The following LRRN1 variants were observed in gnomAD, a reference collection of about 807,000 sequenced individuals.
The protein encoded by LRRN1 is leucine-rich repeat neuronal protein 1.
Under a neutral mutation model 45.8 loss-of-function variants are expected in LRRN1, and 14 were observed. The ratio of observed to expected loss-of-function variants is 0.31; its 90% CI spans 0.20 to 0.48. The LOEUF is 0.48. Among genes scored for constraint, LRRN1 ranks in the 20% least tolerant of loss-of-function variants. The pLI is 0.99. For missense variants in LRRN1, 789 were observed against 874.2 expected, an observed-to-expected ratio of 0.90 and a Z score of 1.23; for synonymous variants, 359 against 330.1, an observed-to-expected ratio of 1.09 and a Z score of -0.95.
chr3:3,837,675 T>A (rs750309879), intron 1 of LRRN1, among the ~76,000 whole-genome samples: 14 of 152,008 alleles, frequency 9.2e-5, no homozygotes, highest in South Asian at 2.1e-4. Flanking sequence ...ATCAGAGCAG[T>A]CTAGTTTGAG....
At chr3:3,831,501 T>C (rs1444746968) in intron 1 of LRRN1, among the ~76,000 whole-genome samples, 4 of 152,082 alleles carry the variant, frequency 2.6e-5, no homozygotes, top group Non-Finnish European at 5.9e-5. Context: ...GAAGCAAAAA[T>C]GATTAAGGTC....
intron 1 of LRRN1, among the ~76,000 whole-genome samples, chr3:3,828,807 GGCACAAAC>G (rs1693293051): frequency 6.6e-6 from 1 of 152,070 alleles, no homozygotes; most frequent in South Asian, 2.1e-4. Context: ...GGTATATACA[GGCACAAAC>G]GTGTTTTTAA....
At chr3:3,830,299 C>G (rs1395022387) in intron 1 of LRRN1, among the ~76,000 whole-genome samples, 1 of 152,174 alleles carries the variant, frequency 6.6e-6, no homozygotes, top group African/African-American at 2.4e-5. Context: ...CACCAATTTT[C>G]CAATCATGTT....
chr3:3,829,512 G>GGATGCT (rs1693318262), intron 1 of LRRN1, among the ~76,000 whole-genome samples: 1 of 152,114 alleles, frequency 6.6e-6, no homozygotes, highest in Admixed American at 6.5e-5. Flanking sequence ...ACCATGTATT[G>GGATGCT]GATGCTGATT....
At chr3:3,831,464 C>T (rs976355801) in intron 1 of LRRN1, among the ~76,000 whole-genome samples, 3 of 152,204 alleles carry the variant, frequency 2.0e-5, no homozygotes, top group South Asian at 2.1e-4. Context: ...CTGTCATCAA[C>T]GTAATGGACC....
chr3:3,839,824 GA>G (rs1693608312), intron 1 of LRRN1, among the ~76,000 whole-genome samples: 1 of 152,000 alleles, frequency 6.6e-6, no homozygotes, highest in Non-Finnish European at 1.5e-5. Flanking sequence ...TTTGTGTGTT[GA>G]TTTTGTATCC....
rs568089666 is a variant in LRRN1, at chr3:3,804,409, G to T, written c.-279+4490G>T. On this transcript the variant is annotated intron_variant, in intron 1 of 1. Transcript: ENST00000319331. ...GGAACCATTGTACCTAATGAACTGA[G>T]GATCATTCCTGAGATGCGGAGAATC... Among the ~76,000 whole-genome samples the T allele has an allele frequency of 1.3e-4, 20 of 152,258 alleles. No individual in the cohort carries two copies. The South Asian group carries it at 3.9e-3, about 30-fold the overall frequency.
At position 3,817,367 on chromosome 3, in the gene LRRN1, T is replaced by C. The variant is rs4685685; in HGVS notation, c.-279+17448T>C. Among the ~76,000 whole-genome samples, 1,520 of 152,338 alleles carry C rather than the reference T, an allele frequency of 1.0e-2. 11 individuals carry two copies. Among genetic ancestry groups the C allele is most frequent in the East Asian group, 0.029 (150 of 5,186 alleles). ...AGTTCAGGGGCAGATGGCGTTACTTTGCTTCTTTAAAAAAAGATGGCATTC... is the reference window on the plus strand; with the variant it reads ...AGTTCAGGGGCAGATGGCGTTACTTCGCTTCTTTAAAAAAAGATGGCATTC... On this transcript the variant is annotated intron_variant, in intron 1 of 1. Transcript: ENST00000319331.
chr3:3,810,921 G>A (rs533650292), intron 1 of LRRN1, among the ~76,000 whole-genome samples: 1 of 152,262 alleles, frequency 6.6e-6, no homozygotes, highest in South Asian at 2.1e-4. Context: ...TTGTGAAATG[G>A]AAATAGTAAT....
chr3:3,807,014 G>C (rs2106450674), intron 1 of LRRN1, among the ~76,000 whole-genome samples: 1 of 152,284 alleles, frequency 6.6e-6, no homozygotes, highest in East Asian at 1.9e-4. Flanking sequence ...CAGCTTCCTA[G>C]ACCGTGGAGT....
intron 1 of LRRN1, among the ~76,000 whole-genome samples, chr3:3,827,806 G>C (rs1693257263): frequency 6.6e-6 from 1 of 152,114 alleles, no homozygotes; most frequent in Non-Finnish European, 1.5e-5. Context: ...ATAATTTCCA[G>C]GTTGGAGGTT....
chr3:3,830,828 T>C (rs889275767), intron 1 of LRRN1, among the ~76,000 whole-genome samples: 8 of 152,302 alleles, frequency 5.3e-5, no homozygotes, highest in African/African-American at 1.9e-4. Flanking sequence ...TCAGGTTGCA[T>C]GGTAGCTTGG....
chr3:3,846,582 C>A lies in LRRN1; in HGVS notation c.1941C>A (p.Ser647=), dbSNP rs1693784051. The A allele has an allele frequency of 1.2e-6, 2 of 1,614,012 alleles. No individual in the cohort carries two copies. The highest frequency in any genetic ancestry group is 2.2e-5 in the South Asian group (2 of 91,080). Residue 647 remains serine, a synonymous_variant, in exon 2 of 2, where the codon TCC becomes TCA. Coordinates refer to ENST00000319331, the MANE Select transcript of LRRN1 (RefSeq NM_020873.7). The surrounding 1 kb of genome is among the most constrained non-coding windows in gnomAD (Gnocchi z 5.7). ...GSMFAVISLA[S]IAVYFAKRFK... ...TGTTTGCCGTCATTAGCCTTGCGTC[C>A]ATTGCTGTGTACTTTGCCAAAAGAT...
At chr3:3,811,376 G>A (rs571111555) in intron 1 of LRRN1, among the ~76,000 whole-genome samples, 70 of 152,180 alleles carry the variant, frequency 4.6e-4, no homozygotes, top group Admixed American at 7.8e-4. Flanking sequence ...AAGCAGCTTC[G>A]TAAGGGAAAA....
At chr3:3,832,830 A>G (rs1444857147) in intron 1 of LRRN1, among the ~76,000 whole-genome samples, 1 of 152,214 alleles carries the variant, frequency 6.6e-6, no homozygotes, top group African/African-American at 2.4e-5. Flanking sequence ...GTGTAATTTA[A>G]GTAGGAATGC....
intron 1 of LRRN1, among the ~76,000 whole-genome samples, chr3:3,812,527 C>A (rs1692897418): frequency 2.0e-5 from 3 of 152,094 alleles, no homozygotes; most frequent in South Asian, 2.1e-4. Context: ...CTGCCTACTT[C>A]CAAAGTGCAC....
chr3:3,814,659 A>G (rs1692952256), intron 1 of LRRN1, among the ~76,000 whole-genome samples: 1 of 152,172 alleles, frequency 6.6e-6, no homozygotes, highest in Non-Finnish European at 1.5e-5. Flanking sequence ...CTCTTATAAA[A>G]GAGATTGAAG....
At chr3:3,825,909 A>T (rs1452313477) in intron 1 of LRRN1, among the ~76,000 whole-genome samples, 1 of 152,202 alleles carries the variant, frequency 6.6e-6, no homozygotes, top group Non-Finnish European at 1.5e-5. Flanking sequence ...GTTATCATAT[A>T]TTCCCTTTAG....
chr3:3,846,898 T>A lies in LRRN1; in HGVS notation c.*106T>A, dbSNP rs1430014823. ...CTTTTGTATTTTTGACTTTGCTAGT[T>A]TGTGGCAGAGTGGAGAGGACGGGTG... On this transcript the variant is annotated 3_prime_UTR_variant, in exon 2 of 2. Transcript: ENST00000319331. The surrounding 1 kb of genome is among the most constrained non-coding windows in gnomAD (Gnocchi z 5.7). 1 of 1,009,580 alleles carries A rather than the reference T, an allele frequency of 9.9e-7. No homozygotes were observed. The highest frequency in any genetic ancestry group is 2.6e-5 in the East Asian group (1 of 38,100). 62.5% of individuals were successfully genotyped at this position (1,009,580 alleles called of 1,614,324 possible).
Sources: allele counts gnomAD v4.1 joint callset (sites outside exome capture counted in the v4.1 genomes callset), GRCh38; gene constraint gnomAD v4.1.1; non-coding constraint Gnocchi (gnomAD v3.1); transcripts MANE v1.5; gene names NCBI Gene and HGNC (gene_info 2026-07-23, HGNC 2026-07-21).